Variants in XYLT1 observed in about 807,000 individuals in gnomAD.
XYLT1 encodes xylosyltransferase 1.
In XYLT1, 36 loss-of-function variants were observed where a neutral mutation model predicts 91.3. That is an observed-to-expected ratio of 0.39 (90% CI 0.30 to 0.52). The LOEUF (loss-of-function observed/expected upper bound fraction) is 0.52. Ranked by LOEUF, XYLT1 falls within the 20% of genes least tolerant of loss-of-function variation. The pLI, the probability that XYLT1 is intolerant of heterozygous loss-of-function variation, is 0.68. For missense variants in XYLT1, 1,242 were observed against 1,284.5 expected (o/e 0.97, Z 0.51); for synonymous variants, 588 against 532.0 (o/e 1.11, Z -1.45).
chr16:17,375,253 C>T (rs1012160617), intron 1 of XYLT1, among the ~76,000 whole-genome samples: 1 of 152,044 alleles, frequency 6.6e-6, no homozygotes, highest in Non-Finnish European at 1.5e-5. Flanking sequence ...AATTAATCCT[C>T]GCAACATCTC....
chr16:17,371,295 C>T lies in XYLT1; in HGVS notation c.364-13245G>A, dbSNP rs150308636. On this transcript the variant is annotated intron_variant, in intron 1 of 11. Coordinates refer to ENST00000261381, the MANE Select transcript of XYLT1 (RefSeq NM_022166.4). ...TCTTTGTTTTTATGCTTAATGAAGT[C>T]CTAAGACTGCCACATAGAAAGCACT... 6.6e-3 allele frequency among the ~76,000 whole-genome samples: 1,010 copies of T among 152,288 alleles called. 10 individuals are homozygous for T. Among genetic ancestry groups the T allele is most frequent in the Admixed American group, 0.012 (191 of 15,300 alleles).
chr16:17,234,930 C>G (rs2141725918), intron 3 of XYLT1, among the ~76,000 whole-genome samples: 1 of 152,184 alleles, frequency 6.6e-6, no homozygotes, highest in African/African-American at 2.4e-5. Context: ...TTAATCAATG[C>G]ATTCTTCAAC....
intron 6 of XYLT1, among the ~76,000 whole-genome samples, chr16:17,158,343 TA>T (rs1329386060): frequency 6.6e-6 from 1 of 152,190 alleles, no homozygotes; most frequent in African/African-American, 2.4e-5. Context: ...TCCATGCTGG[TA>T]TGACACTCTT....
chr16:17,441,769 TAA>T (rs1311600690), intron 1 of XYLT1, among the ~76,000 whole-genome samples: 2 of 152,160 alleles, frequency 1.3e-5, no homozygotes, highest in African/African-American at 2.4e-5. Flanking sequence ...TGGCTGAGGA[TAA>T]AGATAGGATC....
chr16:17,162,901 C>T (rs1026708808), intron 5 of XYLT1, among the ~76,000 whole-genome samples: 13 of 152,162 alleles, frequency 8.5e-5, no homozygotes, highest in Admixed American at 2.6e-4. Flanking sequence ...CTGGAGAACC[C>T]GGACTATGAA....
intron 1 of XYLT1, among the ~76,000 whole-genome samples, chr16:17,407,857 TG>T (rs1402886845): frequency 6.6e-6 from 1 of 152,248 alleles, no homozygotes; most frequent in Non-Finnish European, 1.5e-5. Context: ...GTTTGGGTTT[TG>T]AGGGTGGATC....
intron 4 of XYLT1, among the ~76,000 whole-genome samples, chr16:17,198,914 C>G (rs2032482491): frequency 6.6e-6 from 1 of 152,062 alleles, no homozygotes; most frequent in Non-Finnish European, 1.5e-5. Context: ...CCAGCTAAGT[C>G]TTGTATTTTA....
intron 1 of XYLT1, among the ~76,000 whole-genome samples, chr16:17,463,067 C>G (rs2036843054): frequency 6.6e-6 from 1 of 152,084 alleles, no homozygotes; most frequent in Non-Finnish European, 1.5e-5. Context: ...TCACCATACA[C>G]AAAAACCAAA....
At chr16:17,160,736 T>C (rs577068927) in intron 5 of XYLT1, among the ~76,000 whole-genome samples, 1 of 152,252 alleles carries the variant, frequency 6.6e-6, no homozygotes, top group African/African-American at 2.4e-5. Flanking sequence ...TTAAACCCCA[T>C]CGTGCATGCC....
At chr16:17,450,811 GC>G (rs2036656691) in intron 1 of XYLT1, among the ~76,000 whole-genome samples, 1 of 152,148 alleles carries the variant, frequency 6.6e-6, no homozygotes, top group African/African-American at 2.4e-5. Context: ...GCCCCCATCT[GC>G]CATCTCTCTA....
chr16:17,277,600 G>C (rs1567353269), intron 2 of XYLT1, among the ~76,000 whole-genome samples: 1 of 152,088 alleles, frequency 6.6e-6, no homozygotes, highest in East Asian at 1.9e-4. Flanking sequence ...ATGTAGGCCA[G>C]GCTGTTCTCG....
chr16:17,453,562 ACT>A (rs1305731682), intron 1 of XYLT1, among the ~76,000 whole-genome samples: 2 of 152,232 alleles, frequency 1.3e-5, no homozygotes, highest in African/African-American at 4.8e-5. Flanking sequence ...GACAACGCAC[ACT>A]GAGGCAGCAC....
rs564508424 is a variant in XYLT1, at chr16:17,417,469, G to A, written c.363+52965C>T. Among the ~76,000 whole-genome samples the A allele has an allele frequency of 2.5e-4, 38 of 152,012 alleles. No individual in the cohort carries two copies. In the East Asian group the frequency reaches 5.2e-3, roughly 21 times the overall value. On this transcript the variant is annotated intron_variant, in intron 1 of 11. Coordinates refer to ENST00000261381, the MANE Select transcript of XYLT1 (RefSeq NM_022166.4). Reference sequence around the variant, plus strand: ...GACCTCCCTTCTTCACCTGGTTAACGCGACTTAACCTTCCCATTCCTGCTT... The same window carrying A: ...GACCTCCCTTCTTCACCTGGTTAACACGACTTAACCTTCCCATTCCTGCTT...
chr16:17,388,036 T>C (rs2035768091), intron 1 of XYLT1, among the ~76,000 whole-genome samples: 1 of 152,120 alleles, frequency 6.6e-6, no homozygotes, highest in Non-Finnish European at 1.5e-5. Flanking sequence ...ATAGCCTAAG[T>C]TGAAAATGCA....
intron 1 of XYLT1, among the ~76,000 whole-genome samples, chr16:17,443,745 G>T (rs2141943753): frequency 6.6e-6 from 1 of 152,302 alleles, no homozygotes; most frequent in Admixed American, 6.5e-5. Flanking sequence ...CTATCTAGCA[G>T]GAGTGGGACA....
intron 2 of XYLT1, among the ~76,000 whole-genome samples, chr16:17,275,969 C>T (rs763592232): frequency 4.6e-5 from 7 of 152,020 alleles, no homozygotes; most frequent in African/African-American, 9.7e-5. Flanking sequence ...TAAGGAGAGG[C>T]GCCTGTAAAT....
intron 6 of XYLT1, among the ~76,000 whole-genome samples, chr16:17,148,374 T>C (rs58896672): frequency 6.6e-6 from 1 of 152,352 alleles, no homozygotes; most frequent in African/African-American, 2.4e-5. Context: ...ATACAAGATA[T>C]TTATTTAGTC....
At chr16:17,348,393 G>A (rs1396804739) in intron 2 of XYLT1, among the ~76,000 whole-genome samples, 1 of 152,068 alleles carries the variant, frequency 6.6e-6, no homozygotes, top group African/African-American at 2.4e-5. Flanking sequence ...TATAAAGATG[G>A]AACCCAACAG....
Position 17,259,244 on chromosome 16 carries a change from G to A in XYLT1, c.657C>T (p.Pro219=), listed in dbSNP as rs146043560. 1.9e-4 allele frequency: 301 copies of A among 1,613,904 alleles called. No individual in the cohort carries two copies. The highest frequency in any genetic ancestry group is 3.0e-4 in the Admixed American group (18 of 59,988). Residue 219 remains proline (P), a synonymous_variant, in exon 3 of 12, where the codon CCC becomes CCT. Coordinates refer to ENST00000261381, the MANE Select transcript of XYLT1 (RefSeq NM_022166.4). Reference sequence around the variant, plus strand: ...TGCTGTTGGCTGCGGCTCTGTCCCCGGGAGGCAGCACCTCACCGGGGCCTT... The same window carrying A: ...TGCTGTTGGCTGCGGCTCTGTCCCCAGGAGGCAGCACCTCACCGGGGCCTT... ...PGKGPGEVLP[P]GDRAAANSSH...
Sources: gnomAD v4.1 joint callset for allele counts (sites outside exome capture counted in the v4.1 genomes callset) on GRCh38, gnomAD v4.1.1 for gene constraint, MANE v1.5 for transcripts, NCBI Gene and HGNC (gene_info 2026-07-23, HGNC 2026-07-21) for gene names.